The following EBF1 variants were observed in gnomAD, a reference collection of about 807,000 sequenced individuals.
EBF1 encodes the protein EBF transcription factor 1.
A neutral mutation model predicts 68.4 loss-of-function variants in EBF1; 10 were observed. That is an observed-to-expected ratio of 0.15 (90% CI 0.09 to 0.25). EBF1 has a LOEUF of 0.25. Among genes scored for constraint, EBF1 ranks in the 10% least tolerant of loss-of-function variants. EBF1 has a pLI of 1.00. For synonymous variants in EBF1, 298 were observed against 299.8 expected (o/e 0.99, Z 0.06); for missense variants, 509 against 794.4 (o/e 0.64, Z 4.32).
At chr5:159,012,181 G>A (rs1232505995) in intron 6 of EBF1, among the ~76,000 whole-genome samples, 1 of 152,124 alleles carries the variant, frequency 6.6e-6, no homozygotes, top group Non-Finnish European at 1.5e-5. Flanking sequence ...CAGCTACTCG[G>A]GAGGCTGAGG....
intron 6 of EBF1, among the ~76,000 whole-genome samples, chr5:158,908,253 CT>C (rs1378266856): frequency 6.6e-6 from 1 of 152,186 alleles, no homozygotes; most frequent in African/African-American, 2.4e-5. Flanking sequence ...CATTTTTTAT[CT>C]TTGTGCACAA....
intron 6 of EBF1, chr5:158,983,877 T>G (rs1190354907): frequency 6.7e-6 from 1 of 150,068 alleles, no homozygotes; most frequent in African/African-American, 2.5e-5. Flanking sequence ...CTGGGCAGAT[T>G]CTCATCCTGC....
At chr5:158,968,238 C>T (rs1352597760) in intron 6 of EBF1, among the ~76,000 whole-genome samples, 2 of 152,092 alleles carry the variant, frequency 1.3e-5, no homozygotes, top group Non-Finnish European at 2.9e-5. Context: ...CTGAGTAATA[C>T]CAGTCAGATA....
intron 11 of EBF1, among the ~76,000 whole-genome samples, chr5:158,715,607 A>G (rs1261247781): frequency 6.6e-6 from 1 of 152,170 alleles, no homozygotes; most frequent in Non-Finnish European, 1.5e-5. Flanking sequence ...GTTATTTTTC[A>G]TGTAGGGAGT....
intron 6 of EBF1, among the ~76,000 whole-genome samples, chr5:158,948,383 A>T (rs1219400255): frequency 1.3e-5 from 2 of 152,212 alleles, no homozygotes; most frequent in African/African-American, 4.8e-5. Flanking sequence ...TGTTTAAAAA[A>T]AAAAACCACT....
At chr5:158,992,833 G>A (rs138213776) in intron 6 of EBF1, among the ~76,000 whole-genome samples, 1 of 149,432 alleles carries the variant, frequency 6.7e-6, no homozygotes, top group East Asian at 2.0e-4. Context: ...CAAAATTACT[G>A]TGCTTGTCTA....
At chr5:158,838,252 T>C (rs953304943) in intron 7 of EBF1, among the ~76,000 whole-genome samples, 4 of 152,016 alleles carry the variant, frequency 2.6e-5, no homozygotes, top group African/African-American at 9.7e-5. Flanking sequence ...AAGACCATCC[T>C]GGCTAACACA....
At chr5:158,785,939 G>A (rs1260957106) in intron 9 of EBF1, among the ~76,000 whole-genome samples, 4 of 152,046 alleles carry the variant, frequency 2.6e-5, no homozygotes, top group Non-Finnish European at 5.9e-5. Flanking sequence ...TATGACCTTG[G>A]CCTTCTTTGT....
At chr5:158,923,750 C>G (rs1328482541) in intron 6 of EBF1, among the ~76,000 whole-genome samples, 2 of 152,174 alleles carry the variant, frequency 1.3e-5, no homozygotes, top group Admixed American at 1.3e-4. Context: ...AGTGCCCAGC[C>G]CATTTCACTG....
At chr5:159,086,795 C>G (rs1010599487) in intron 4 of EBF1, among the ~76,000 whole-genome samples, 24 of 152,084 alleles carry the variant, frequency 1.6e-4, no homozygotes, top group Non-Finnish European at 1.3e-4. Context: ...TAGACGTAAT[C>G]CAGATTGTGT....
chr5:159,014,318 T>G (rs1262154390), intron 6 of EBF1, among the ~76,000 whole-genome samples: 1 of 152,216 alleles, frequency 6.6e-6, no homozygotes, highest in African/African-American at 2.4e-5. Context: ...CTAGTGACTA[T>G]GTTACCATGT....
At chr5:159,071,529 C>T (rs1220258201) in intron 6 of EBF1, among the ~76,000 whole-genome samples, 2 of 152,182 alleles carry the variant, frequency 1.3e-5, no homozygotes, top group South Asian at 2.1e-4. Flanking sequence ...AGAAGCCACA[C>T]TAATGCAATC....
At chr5:158,818,934 A>AC (rs1554144221) in intron 8 of EBF1, among the ~76,000 whole-genome samples, 31 of 89,160 alleles carry the variant, frequency 3.5e-4, no homozygotes, top group African/African-American at 1.6e-3. Context: ...AAACAATAAC[A>AC]AAAAAAAAAA....
rs922487405 is a variant in EBF1, at chr5:158,716,306, C to T, written c.1126-2124G>A. ...TCCAGAGCTCTCATCCCCATTTAAT[C>T]CTTTGAGAATAAAACACGTGGATCT... On this transcript the variant is annotated intron_variant, in intron 11 of 15. Transcript: ENST00000313708. 1.8e-4 allele frequency among the ~76,000 whole-genome samples: 27 copies of T among 151,874 alleles called. 1 individual carries two copies. Among genetic ancestry groups the T allele is most frequent in the African/African-American group, 5.1e-4 (21 of 41,306 alleles).
intron 6 of EBF1, among the ~76,000 whole-genome samples, chr5:158,984,947 T>C (rs1001291958): frequency 1.3e-5 from 2 of 152,032 alleles, no homozygotes; most frequent in African/African-American, 4.8e-5. Context: ...CCTCCCAAAG[T>C]GCTGGGACTA....
chr5:158,719,391 A>G (rs1761455611), intron 11 of EBF1, among the ~76,000 whole-genome samples: 1 of 152,168 alleles, frequency 6.6e-6, no homozygotes, highest in Non-Finnish European at 1.5e-5. Context: ...ATAGTTAGGT[A>G]TTTGCACATT....
chr5:158,796,233 G>A, intron 9 of EBF1, 112 bp downstream of exon 9: 2 of 1,164,054 alleles, frequency 1.7e-6, no homozygotes, highest in Non-Finnish European at 2.2e-6. Flanking sequence ...ACTGAAGCTG[G>A]CCCACCCAGA....
rs115230107 is a variant in EBF1, at chr5:158,735,447, G to A, written c.1037-4290C>T. On this transcript the variant is annotated intron_variant, in intron 10 of 15. Transcript: ENST00000313708. ...TACTGAACCCACATAGTAGGACTTC[G>A]TGGAGTTGTGTACAGCTTATGGAGG... Among the ~76,000 whole-genome samples, 384 of 152,306 alleles carry A rather than the reference G, an allele frequency of 2.5e-3. 2 individuals are homozygous for A. Among genetic ancestry groups the A allele is most frequent in the African/African-American group, 8.7e-3 (362 of 41,570 alleles).
At chr5:159,099,259 A>C in intron 1 of EBF1, 86 bp downstream of exon 1, 7 of 1,013,180 alleles carry the variant, frequency 6.9e-6, no homozygotes, top group Non-Finnish European at 7.2e-6. Context: ...GCCCCGCGGC[A>C]GCAGCTGCCG....
Sources: allele counts gnomAD v4.1 joint callset (sites outside exome capture counted in the v4.1 genomes callset), GRCh38; gene constraint gnomAD v4.1.1; transcripts MANE v1.5; gene names NCBI Gene and HGNC (gene_info 2026-07-23, HGNC 2026-07-21).